Variants in UGT1A7 observed in about 807,000 individuals in gnomAD.
The protein encoded by UGT1A7 is UDP glucuronosyltransferase family 1 member A7, also known as UDP-glucuronosyltransferase 1A7.
A neutral mutation model predicts 45.6 loss-of-function variants in UGT1A7; 33 were observed. That is an observed-to-expected ratio of 0.72 (90% CI 0.55 to 0.97). The LOEUF (loss-of-function observed/expected upper bound fraction) is 0.97, where lower values mean the gene tolerates loss of function less well. UGT1A7 is among the 50% of genes least tolerant of loss of function. UGT1A7 has a pLI of 0.00. For missense variants in UGT1A7, 684 were observed against 666.2 expected (o/e 1.03, Z -0.29); for synonymous variants, 274 against 250.6 (o/e 1.09, Z -0.88).
At chr2:233,745,380 C>A (rs531226985) in intron 1 of UGT1A7, among the ~76,000 whole-genome samples, 1 of 151,924 alleles carries the variant, frequency 6.6e-6, no homozygotes, top group East Asian at 1.9e-4. Flanking sequence ...GTTCTCTTCA[C>A]CTCCTTATTC....
intron 1 of UGT1A7, among the ~76,000 whole-genome samples, chr2:233,690,346 A>G (rs1476855946): frequency 6.6e-6 from 1 of 152,206 alleles, no homozygotes; most frequent in African/African-American, 2.4e-5. Flanking sequence ...TGAAAGAGTT[A>G]GCACCTTAGA....
At chr2:233,705,686 A>T (rs2075865672) in intron 1 of UGT1A7, among the ~76,000 whole-genome samples, 1 of 152,224 alleles carries the variant, frequency 6.6e-6, no homozygotes, top group Admixed American at 6.5e-5. Flanking sequence ...ATTCACAACG[A>T]CTGGTATAAA....
intron 1 of UGT1A7, among the ~76,000 whole-genome samples, chr2:233,732,817 G>A (rs1434078778): frequency 7.7e-6 from 1 of 130,138 alleles, no homozygotes; most frequent in Non-Finnish European, 1.6e-5. Flanking sequence ...GATTCCATAT[G>A]AACTTTAAAG....
chr2:233,723,731 T>A lies in UGT1A7; in HGVS notation c.855+40939T>A, dbSNP rs1266221554. ...CTTGAGATTAGGGATTGGTGATGAC[T>A]CTTAACGAGCATGCTGCCTTCAAGC... On this transcript the variant is annotated intron_variant, in intron 1 of 4. Coordinates refer to ENST00000373426, the MANE Select transcript of UGT1A7 (RefSeq NM_019077.3). Among the ~76,000 whole-genome samples, 3 of 78,960 alleles carry A rather than the reference T, an allele frequency of 3.8e-5. 1 individual carries two copies. The highest frequency in any genetic ancestry group is 6.7e-5 in the Non-Finnish European group (3 of 44,612). The allele number at this position is 78,960 out of a possible 152,430, so 51.8% of individuals were successfully genotyped here. A position where few individuals can be genotyped will look rare whatever the true frequency, so the allele number is the denominator to read the frequency against.
chr2:233,699,798 C>T (rs1205226155), intron 1 of UGT1A7, among the ~76,000 whole-genome samples: 1 of 152,194 alleles, frequency 6.6e-6, no homozygotes, highest in Non-Finnish European at 1.5e-5. Flanking sequence ...CTCTCATATT[C>T]TGGAGTCATC....
At chr2:233,763,328 G>T (rs1698281248) in intron 1 of UGT1A7, among the ~76,000 whole-genome samples, 1 of 152,072 alleles carries the variant, frequency 6.6e-6, no homozygotes, top group African/African-American at 2.4e-5. Context: ...TATTATTTTT[G>T]TTTACATTTC....
chr2:233,729,562 T>C lies in UGT1A7; in HGVS notation c.856-37472T>C, dbSNP rs201451179. ...GATCAGGCACCTGAATGCTACTTCC[T>C]TTGATGTGGTTTTAACAGACCCCGT... On this transcript the variant is annotated intron_variant, in intron 1 of 4. Transcript: ENST00000373426. 8.7e-6 allele frequency: 14 copies of C among 1,614,160 alleles called. No homozygotes were observed. The East Asian group carries it at 3.1e-4, about 36-fold the overall frequency.
chr2:233,695,956 G>A (rs2075315981), intron 1 of UGT1A7, among the ~76,000 whole-genome samples: 1 of 152,124 alleles, frequency 6.6e-6, no homozygotes, highest in African/African-American at 2.4e-5. Context: ...TACCAGCTGG[G>A]TGTCCTCTAA....
intron 1 of UGT1A7, among the ~76,000 whole-genome samples, chr2:233,695,282 T>C (rs890581828): frequency 7.9e-5 from 12 of 151,958 alleles, no homozygotes; most frequent in Non-Finnish European, 8.8e-5. Flanking sequence ...TGTGCCACCA[T>C]TCCCAGCTAA....
chr2:233,691,768 T>G (rs1302054982), intron 1 of UGT1A7: 1 of 382,122 alleles, frequency 2.6e-6, no homozygotes, highest in Non-Finnish European at 3.6e-6. Flanking sequence ...TGCTCTAGGA[T>G]TCTCACCACG....
intron 1 of UGT1A7, among the ~76,000 whole-genome samples, chr2:233,751,378 C>A (rs1694710024): frequency 2.0e-5 from 3 of 152,054 alleles, no homozygotes; most frequent in Non-Finnish European, 2.9e-5. Context: ...AAGGGACTTG[C>A]CTTGTCTCAG....
rs1700557066 is a variant in UGT1A7 at position 233,772,919 on chromosome 2, C to A, written c.*360C>A. On this transcript the variant is annotated 3_prime_UTR_variant, in exon 5 of 5. Coordinates refer to ENST00000373426, the MANE Select transcript of UGT1A7 (RefSeq NM_019077.3). Reference sequence around the variant, plus strand: ...CCACGGCTGCCCCTACTGCAAATGGCAGTTTTAATCTTATCTTTTGGCTTC... The same window carrying A: ...CCACGGCTGCCCCTACTGCAAATGGAAGTTTTAATCTTATCTTTTGGCTTC... 1 of 369,168 alleles carries A rather than the reference C, an allele frequency of 2.7e-6. No homozygotes were observed. Among genetic ancestry groups the A allele is most frequent in the Non-Finnish European group, 4.8e-6 (1 of 207,048 alleles). 22.9% of individuals were successfully genotyped at this position (369,168 alleles called of 1,614,324 possible).
intron 1 of UGT1A7, chr2:233,742,068 T>A (rs185159129): frequency 2.0e-5 from 3 of 151,914 alleles, no homozygotes; most frequent in African/African-American, 7.3e-5. Context: ...TGTGGCCTTA[T>A]GGAGATCCTT....
At position 233,743,803 on chromosome 2, in the gene UGT1A7, G is replaced by T. The variant is rs568702968; in HGVS notation, c.856-23231G>T. 2.2e-6 allele frequency: 3 copies of T among 1,367,298 alleles called. No homozygotes were observed. In the South Asian group the frequency reaches 3.4e-5, roughly 16 times the overall value. The allele number at this position is 1,367,298 out of a possible 1,614,324, so 84.7% of individuals were successfully genotyped here. A position where few individuals can be genotyped will look rare whatever the true frequency, so the allele number is the denominator to read the frequency against. On this transcript the variant is annotated intron_variant, in intron 1 of 4. Coordinates refer to ENST00000373426, the MANE Select transcript of UGT1A7 (RefSeq NM_019077.3). ...TGAATCTCCTCTCCGCTTCCTCCTT[G>T]TTCTCAGGGTTTTTGTCGGGGTGCC...
At chr2:233,749,645 C>T (rs1375243273) in intron 1 of UGT1A7, among the ~76,000 whole-genome samples, 7 of 151,834 alleles carry the variant, frequency 4.6e-5, no homozygotes, top group Non-Finnish European at 1.0e-4. Flanking sequence ...CAAATCTCAT[C>T]TTGAATTGTA....
At chr2:233,694,043 A>G (rs1023818564) in intron 1 of UGT1A7, among the ~76,000 whole-genome samples, 3 of 152,228 alleles carry the variant, frequency 2.0e-5, no homozygotes, top group African/African-American at 7.2e-5. Context: ...GAAGTGATAC[A>G]GAGGCATTCG....
At chr2:233,721,697 G>A (rs1469805668) in intron 1 of UGT1A7, 9 of 355,958 alleles carry the variant, frequency 2.5e-5, no homozygotes, top group Admixed American at 6.5e-5. Flanking sequence ...CAAGACGCAT[G>A]GCTCATCTTG....
At chr2:233,740,026 G>A (rs1244657367) in intron 1 of UGT1A7, among the ~76,000 whole-genome samples, 1 of 151,782 alleles carries the variant, frequency 6.6e-6, no homozygotes, top group Non-Finnish European at 1.5e-5. Flanking sequence ...GAGAGCTGAT[G>A]GTTTTATAAG....
chr2:233,719,734 T>C lies in UGT1A7; in HGVS notation c.855+36942T>C, dbSNP rs370386346. 2.0e-5 allele frequency: 32 copies of C among 1,613,416 alleles called. 1 individual carries two copies. The East Asian group carries it at 2.7e-4, about 13-fold the overall frequency. On this transcript the variant is annotated intron_variant, in intron 1 of 4. Transcript: ENST00000373426. Reference sequence around the variant, plus strand: ...CAATCAATGTTCCAGGCAAAACACTTTTTAAAAAATGTATTTACTTACAAG... The same window carrying C: ...CAATCAATGTTCCAGGCAAAACACTCTTTAAAAAATGTATTTACTTACAAG...
Sources: allele counts gnomAD v4.1 joint callset (sites outside exome capture counted in the v4.1 genomes callset), GRCh38; gene constraint gnomAD v4.1.1; transcripts MANE v1.5; gene names NCBI Gene and HGNC (gene_info 2026-07-23, HGNC 2026-07-21).